The following CLYBL variants were observed in gnomAD, a reference collection of about 807,000 sequenced individuals.
CLYBL encodes the protein citramalyl-CoA lyase, also known as citramalyl-CoA lyase, mitochondrial.
In CLYBL, 31 loss-of-function variants were observed where a neutral mutation model predicts 38.9. That is an observed-to-expected ratio of 0.80 (90% CI 0.60 to 1.08). The LOEUF (loss-of-function observed/expected upper bound fraction) is 1.08, where lower values mean the gene tolerates loss of function less well. Among genes scored for constraint, CLYBL ranks in the 50% least tolerant of loss-of-function variants. CLYBL has a pLI of 0.00. For missense variants in CLYBL, 434 were observed against 411.6 expected, an observed-to-expected ratio of 1.05 and a Z score of -0.47; for synonymous variants, 171 against 158.6, an observed-to-expected ratio of 1.08 and a Z score of -0.59.
intron 1 of CLYBL, among the ~76,000 whole-genome samples, chr13:99,705,518 T>G (rs2048133614): frequency 6.6e-6 from 1 of 151,822 alleles, no homozygotes; most frequent in Non-Finnish European, 1.5e-5. Flanking sequence ...AGGTGGAGGT[T>G]GCAGTGAGCC....
intron 1 of CLYBL, among the ~76,000 whole-genome samples, chr13:99,633,534 CA>C (rs71215536): frequency 0.14 from 16,954 of 121,508 alleles, 1,029 homozygotes; most frequent in African/African-American, 0.21. Context: ...GACTCTGTCT[CA>C]AAAAAAAAAA....
intron 1 of CLYBL, among the ~76,000 whole-genome samples, chr13:99,761,361 A>C (rs1432252933): frequency 6.6e-6 from 1 of 152,202 alleles, no homozygotes. Context: ...TCAAGAAAAA[A>C]ATATATATTT....
At chr13:99,695,287 TG>T (rs1212683152) in intron 1 of CLYBL, among the ~76,000 whole-genome samples, 1 of 152,116 alleles carries the variant, frequency 6.6e-6, no homozygotes, top group East Asian at 1.9e-4. Flanking sequence ...AGTTCATGGC[TG>T]ACACCCCTAT....
At chr13:99,633,368 C>T (rs199760412) in intron 1 of CLYBL, among the ~76,000 whole-genome samples, 3 of 151,646 alleles carry the variant, frequency 2.0e-5, no homozygotes, top group Admixed American at 1.3e-4. Flanking sequence ...GGCAAAACCC[C>T]GTCTCTACTA....
Position 99,865,800 on chromosome 13 carries a change from A to G in CLYBL, c.635-440A>G, listed in dbSNP as rs545778741. Among the ~76,000 whole-genome samples, 15 of 152,274 alleles carry G rather than the reference A, an allele frequency of 9.9e-5. No individual in the cohort carries two copies. The highest frequency in any genetic ancestry group is 2.9e-4 in the African/African-American group (12 of 41,572). ...GCTGAAGCATTTGGCTCAGAACTTCAGTTTGGACAGGGCAATCGCAGCACA... is the reference window on the plus strand; with the variant it reads ...GCTGAAGCATTTGGCTCAGAACTTCGGTTTGGACAGGGCAATCGCAGCACA... On this transcript the variant is annotated intron_variant, in intron 5 of 8. Coordinates refer to ENST00000339105, the MANE Select transcript of CLYBL (RefSeq NM_206808.5). The surrounding 1 kb of genome is among the most constrained non-coding windows in gnomAD (Gnocchi z 4.7).
chr13:99,637,962 C>CTTATTTTTTTTTTTTTT (rs767108553), intron 1 of CLYBL, among the ~76,000 whole-genome samples: 1 of 94,998 alleles, frequency 1.1e-5, no homozygotes, highest in African/African-American at 3.9e-5. Context: ...TCAACAGTGC[C>CTTATTTTTTTTTTTTTT]TTTTTTTTTT....
At chr13:99,685,237 T>G (rs1423233073) in intron 1 of CLYBL, among the ~76,000 whole-genome samples, 2 of 152,180 alleles carry the variant, frequency 1.3e-5, no homozygotes, top group Non-Finnish European at 1.5e-5. Context: ...CTGTACTTGT[T>G]TCAAACTTTA....
intron 1 of CLYBL, among the ~76,000 whole-genome samples, chr13:99,728,867 G>A (rs2048531250): frequency 6.6e-6 from 1 of 152,164 alleles, no homozygotes; most frequent in Admixed American, 6.6e-5. Flanking sequence ...AGAGGCATGA[G>A]CCACCATGCC....
chr13:99,885,082 G>C (rs1385159808), intron 7 of CLYBL: 1 of 530,224 alleles, frequency 1.9e-6, no homozygotes, highest in South Asian at 1.4e-5. Flanking sequence ...CTGGGTGCTG[G>C]GTGCCAGGTC....
chr13:99,833,030 A>ATATTT (rs1555314878), intron 2 of CLYBL, among the ~76,000 whole-genome samples: 1 of 35,868 alleles, frequency 2.8e-5, no homozygotes, highest in African/African-American at 1.4e-4. Context: ...ATATATATAT[A>ATATTT]TTTTTTTTTT....
chr13:99,698,122 C>CAT (rs2048007693), intron 1 of CLYBL, among the ~76,000 whole-genome samples: 1 of 152,310 alleles, frequency 6.6e-6, no homozygotes, highest in Middle Eastern at 3.4e-3. Flanking sequence ...CTTTACAACA[C>CAT]ATATGTGTTT....
At position 99,701,791 on chromosome 13, in the gene CLYBL, C is replaced by G. The variant is rs141983541; in HGVS notation, c.63-71033C>G. ...CCAAGTTCTAGTGATTCTCCTGCCT[C>G]AGCTTCCCGAATAGCTGGGAGTACA... On this transcript the variant is annotated intron_variant, in intron 1 of 8. Coordinates refer to ENST00000339105, the MANE Select transcript of CLYBL (RefSeq NM_206808.5). Among the ~76,000 whole-genome samples, 406 of 152,322 alleles carry G rather than the reference C, an allele frequency of 2.7e-3. 1 individual carries two copies. Among genetic ancestry groups the G allele is most frequent in the African/African-American group, 9.3e-3 (385 of 41,570 alleles).
At chr13:99,859,842 G>A (rs891103838) in intron 3 of CLYBL, among the ~76,000 whole-genome samples, 4 of 152,188 alleles carry the variant, frequency 2.6e-5, no homozygotes, top group African/African-American at 9.7e-5. Context: ...ACATTTCACT[G>A]TGTTGTTCTG....
chr13:99,901,211 C>G (rs1157489519), downstream of CLYBL, among the ~76,000 whole-genome samples: 1 of 152,212 alleles, frequency 6.6e-6, no homozygotes, highest in Non-Finnish European at 1.5e-5. Flanking sequence ...CCCATGGGCA[C>G]CGTTCTTTGC....
chr13:99,666,711 T>C (rs2047487201), intron 1 of CLYBL, among the ~76,000 whole-genome samples: 1 of 152,144 alleles, frequency 6.6e-6, no homozygotes. Context: ...TGGTATTTTT[T>C]CCCGCATTTG....
At chr13:99,875,984 T>G (rs758864125) in intron 7 of CLYBL, among the ~76,000 whole-genome samples, 2 of 151,628 alleles carry the variant, frequency 1.3e-5, no homozygotes, top group Non-Finnish European at 1.5e-5. Context: ...TTGGATGGAT[T>G]AACACAAAAT....
intron 2 of CLYBL, among the ~76,000 whole-genome samples, chr13:99,787,911 T>G (rs2049832505): frequency 6.6e-6 from 1 of 152,236 alleles, no homozygotes; most frequent in African/African-American, 2.4e-5. Context: ...AAGAGGTCCT[T>G]CACTTCCCTT....
chr13:99,831,164 G>A (rs1057215524), intron 2 of CLYBL, among the ~76,000 whole-genome samples: 1 of 152,218 alleles, frequency 6.6e-6, no homozygotes, highest in Non-Finnish European at 1.5e-5. Flanking sequence ...GGATCCGCTA[G>A]AGAGGGACTG....
chr13:99,667,288 T>A (rs2047496046), intron 1 of CLYBL, among the ~76,000 whole-genome samples: 2 of 151,862 alleles, frequency 1.3e-5, no homozygotes, highest in Admixed American at 1.3e-4. Context: ...GTAAACAGAG[T>A]GGAAGAACAT....
Sources: allele counts gnomAD v4.1 joint callset (sites outside exome capture counted in the v4.1 genomes callset), GRCh38; gene constraint gnomAD v4.1.1; non-coding constraint Gnocchi (gnomAD v3.1); transcripts MANE v1.5; gene names NCBI Gene and HGNC (gene_info 2026-07-23, HGNC 2026-07-21).